Variants in SPOCK3 observed in about 807,000 individuals in gnomAD.
The protein encoded by SPOCK3 is SPARC (osteonectin), cwcv and kazal like domains proteoglycan 3, also known as testican-3.
A neutral mutation model predicts 56.6 loss-of-function variants in SPOCK3; 30 were observed. The observed-to-expected ratio is 0.53, with a 90% CI of 0.40 to 0.72. SPOCK3 has a LOEUF of 0.72. Among genes scored for constraint, SPOCK3 ranks in the 30% least tolerant of loss-of-function variants. SPOCK3 has a pLI of 0.00. For missense variants in SPOCK3, 527 were observed against 530.0 expected (o/e 0.99, Z 0.06); for synonymous variants, 196 against 183.3 (o/e 1.07, Z -0.56).
chr4:167,197,293 C>G (rs964483018), intron 2 of SPOCK3, among the ~76,000 whole-genome samples: 1 of 152,078 alleles, frequency 6.6e-6, no homozygotes, highest in Non-Finnish European at 1.5e-5. Context: ...TGTATAAATT[C>G]ACCAATTTCA....
chr4:166,752,992 A>T (rs1389304089), intron 8 of SPOCK3, among the ~76,000 whole-genome samples: 2 of 151,642 alleles, frequency 1.3e-5, no homozygotes, highest in Admixed American at 6.6e-5. Context: ...CTTTGGGAGA[A>T]TGCTACAATT....
chr4:166,874,384 G>C (rs1007165870), intron 6 of SPOCK3, among the ~76,000 whole-genome samples: 1 of 152,118 alleles, frequency 6.6e-6, no homozygotes, highest in African/African-American at 2.4e-5. Flanking sequence ...AGGCAGGCTT[G>C]TTAGCTTCCA....
chr4:166,895,876 T>A (rs933878673), intron 5 of SPOCK3, among the ~76,000 whole-genome samples: 3 of 152,094 alleles, frequency 2.0e-5, no homozygotes, highest in African/African-American at 7.2e-5. Context: ...AAACATAGTG[T>A]TTCCTCTGTG....
At chr4:166,889,047 T>G in intron 6 of SPOCK3, 83 bp downstream of exon 6, 1 of 815,362 alleles carries the variant, frequency 1.2e-6, no homozygotes, top group Non-Finnish European at 2.1e-6. Context: ...AACTTCATTG[T>G]GTATTTAATG....
At chr4:166,910,524 C>T (rs1057161364) in intron 5 of SPOCK3, among the ~76,000 whole-genome samples, 6 of 152,062 alleles carry the variant, frequency 3.9e-5, no homozygotes, top group Non-Finnish European at 8.8e-5. Context: ...TGCTTTTAGT[C>T]TTGAATGAGA....
At chr4:166,804,806 A>C (rs1489387654) in intron 6 of SPOCK3, among the ~76,000 whole-genome samples, 2 of 152,104 alleles carry the variant, frequency 1.3e-5, no homozygotes, top group East Asian at 3.9e-4. Context: ...AGCCACCCTG[A>C]GAAAAATACA....
chr4:167,137,833 C>T (rs79430680), intron 2 of SPOCK3, among the ~76,000 whole-genome samples: 2,273 of 151,228 alleles, frequency 0.015, 65 homozygotes, highest in African/African-American at 0.051. Flanking sequence ...AATTCTGATG[C>T]AAAAAAAATC....
At chr4:167,080,124 T>C (rs1313810456) in intron 2 of SPOCK3, among the ~76,000 whole-genome samples, 1 of 152,018 alleles carries the variant, frequency 6.6e-6, no homozygotes, top group African/African-American at 2.4e-5. Context: ...TTTTCCAAAC[T>C]TGAGTACTTT....
chr4:167,217,917 TAAAA>T (rs35737044), intron 2 of SPOCK3, among the ~76,000 whole-genome samples: 20,313 of 145,738 alleles, frequency 0.14, 1,676 homozygotes, highest in African/African-American at 0.23. Context: ...TTCATTAAAG[TAAAA>T]AAAAAAAGTT....
intron 6 of SPOCK3, among the ~76,000 whole-genome samples, chr4:166,842,229 G>A (rs998981994): frequency 6.6e-6 from 1 of 152,212 alleles, no homozygotes; most frequent in African/African-American, 2.4e-5. Flanking sequence ...GTGAGGAAGA[G>A]GACTTCAGCA....
rs374051239 is a variant in SPOCK3 at position 166,964,796 on chromosome 4, C to G, written c.350+35553G>C. ...AATTAAAGAAGTCAATAAATTGGAC[C>G]TCTCTTTCATAAGGAAATACATTTT... On this transcript the variant is annotated intron_variant, in intron 4 of 10. Coordinates refer to ENST00000357545, the MANE Select transcript of SPOCK3 (RefSeq NM_001040159.2). 2.6e-5 allele frequency among the ~76,000 whole-genome samples: 4 copies of G among 151,748 alleles called. No individual in the cohort carries two copies. In the East Asian group the frequency reaches 7.7e-4, roughly 29 times the overall value.
intron 6 of SPOCK3, among the ~76,000 whole-genome samples, chr4:166,864,037 A>G (rs1731521637): frequency 6.6e-6 from 1 of 152,202 alleles, no homozygotes; most frequent in Non-Finnish European, 1.5e-5. Context: ...AATTGGAAGT[A>G]AAACACTTCT....
chr4:166,952,380 C>A (rs77186880), intron 4 of SPOCK3, among the ~76,000 whole-genome samples: 24,097 of 151,916 alleles, frequency 0.16, 2,747 homozygotes, highest in African/African-American at 0.33. Flanking sequence ...TTACAAGGGA[C>A]GTGAAGGACC....
At position 166,840,596 on chromosome 4, in the gene SPOCK3, A is replaced by T. The variant is rs192921255; in HGVS notation, c.590-48307T>A. Among the ~76,000 whole-genome samples, 142 of 152,122 alleles carry T rather than the reference A, an allele frequency of 9.3e-4. 1 individual carries two copies. Among genetic ancestry groups the T allele is most frequent in the African/African-American group, 3.2e-3 (134 of 41,500 alleles). On this transcript the variant is annotated intron_variant, in intron 6 of 10. Coordinates refer to ENST00000357545, the MANE Select transcript of SPOCK3 (RefSeq NM_001040159.2). ...TTATACAATGCAAATAAAATAAAAT[A>T]AAATAAACCAGGGAACTCACCTATT...
At chr4:167,219,470 A>G (rs959759114) in intron 2 of SPOCK3, among the ~76,000 whole-genome samples, 2 of 152,196 alleles carry the variant, frequency 1.3e-5, no homozygotes, top group African/African-American at 4.8e-5. Context: ...TAGGAGGTAT[A>G]TCTAATGTTT....
chr4:167,147,335 AG>A (rs1435843113), intron 2 of SPOCK3, among the ~76,000 whole-genome samples: 2 of 152,312 alleles, frequency 1.3e-5, no homozygotes, highest in African/African-American at 4.8e-5. Flanking sequence ...AACCAAAAAA[AG>A]TCCAGGACCA....
intron 2 of SPOCK3, among the ~76,000 whole-genome samples, chr4:167,083,489 C>T (rs1757909997): frequency 6.6e-6 from 1 of 152,112 alleles, no homozygotes; most frequent in South Asian, 2.1e-4. Context: ...TATCTCCATG[C>T]AGACTGCTCC....
chr4:166,734,768 T>C lies in SPOCK3; in HGVS notation c.*153A>G, dbSNP rs541790180. The C allele has an allele frequency of 4.6e-5, 30 of 653,106 alleles. No individual in the cohort carries two copies. The South Asian group carries it at 8.1e-4, about 18-fold the overall frequency. 40.5% of individuals were successfully genotyped at this position (653,106 alleles called of 1,614,324 possible). A position where few individuals can be genotyped will look rare whatever the true frequency, so the allele number is the denominator to read the frequency against. On this transcript the variant is annotated 3_prime_UTR_variant, in exon 11 of 11. Coordinates refer to ENST00000357545, the MANE Select transcript of SPOCK3 (RefSeq NM_001040159.2). ...AATGATTCTTATTTAAACATAAAGT[T>C]CTATAACTTTAGCTGCAATTTTTCA...
chr4:166,826,844 C>T (rs747029076), intron 6 of SPOCK3, among the ~76,000 whole-genome samples: 1 of 151,990 alleles, frequency 6.6e-6, no homozygotes, highest in Middle Eastern at 3.2e-3. Flanking sequence ...GTCTGATCCA[C>T]CTCTAGCCCT....
Sources: allele counts gnomAD v4.1 joint callset (sites outside exome capture counted in the v4.1 genomes callset), GRCh38; gene constraint gnomAD v4.1.1; transcripts MANE v1.5; gene names NCBI Gene and HGNC (gene_info 2026-07-23, HGNC 2026-07-21).